IMMP2L: variants seen among roughly 807,000 people sequenced by gnomAD.
IMMP2L encodes the protein mitochondrial inner membrane protease subunit 2.
IMMP2L carries 18 observed loss-of-function variants against 19.3 expected under a neutral mutation model. The ratio of observed to expected loss-of-function variants is 0.93; its 90% confidence interval spans 0.64 to 1.38. The LOEUF (loss-of-function observed/expected upper bound fraction) is 1.38, where lower values mean the gene tolerates loss of function less well. Among genes scored for constraint, IMMP2L ranks in the 40% most tolerant of loss-of-function variants. The pLI is 0.00. For missense variants in IMMP2L, 233 were observed against 218.2 expected (o/e 1.07, Z -0.43); for synonymous variants, 76 against 73.0 (o/e 1.04, Z -0.21).
chr7:111,058,448 C>A (rs992895133), intron 3 of IMMP2L, among the ~76,000 whole-genome samples: 5 of 152,114 alleles, frequency 3.3e-5, no homozygotes, highest in Non-Finnish European at 5.9e-5. Context: ...AAAAAGAATT[C>A]TTGGTGTTTG....
At chr7:111,211,954 G>A (rs1811365888) in intron 3 of IMMP2L, among the ~76,000 whole-genome samples, 1 of 152,026 alleles carries the variant, frequency 6.6e-6, no homozygotes, top group African/African-American at 2.4e-5. Context: ...CCAAAATCGG[G>A]CCACTGCACT....
chr7:110,688,954 C>A (rs1178884959), intron 5 of IMMP2L, among the ~76,000 whole-genome samples: 1 of 151,940 alleles, frequency 6.6e-6, no homozygotes, highest in Non-Finnish European at 1.5e-5. Flanking sequence ...ATTTCATTAT[C>A]TTTAGGGGGT....
chr7:110,977,260 C>A (rs748561959), intron 3 of IMMP2L, among the ~76,000 whole-genome samples: 27 of 151,890 alleles, frequency 1.8e-4, no homozygotes, highest in Admixed American at 5.2e-4. Flanking sequence ...AGGGTTCAGG[C>A]CCAAATACTA....
chr7:110,705,304 A>T (rs1195343600), intron 5 of IMMP2L, among the ~76,000 whole-genome samples: 1 of 151,964 alleles, frequency 6.6e-6, no homozygotes, highest in Non-Finnish European at 1.5e-5. Context: ...TTTTAGGTGA[A>T]CAAAGAGTAA....
intron 3 of IMMP2L, among the ~76,000 whole-genome samples, chr7:111,352,763 A>G (rs568912878): frequency 1.2e-4 from 19 of 152,042 alleles, no homozygotes; most frequent in Middle Eastern, 3.2e-3. Context: ...TAGCACTCTG[A>G]TTTGGCACCT....
At chr7:110,983,615 T>C (rs2129558434) in intron 3 of IMMP2L, among the ~76,000 whole-genome samples, 1 of 152,170 alleles carries the variant, frequency 6.6e-6, no homozygotes, top group African/African-American at 2.4e-5. Context: ...TATTGGATTC[T>C]ACCTGTTTTG....
In IMMP2L at chr7:111,547,927, G is replaced by T. The variant is rs114785510; in HGVS notation, c.-3+13924C>A. Among the ~76,000 whole-genome samples, 321 of 152,094 alleles carry T rather than the reference G, an allele frequency of 2.1e-3. 3 individuals are homozygous for T. The highest frequency in any genetic ancestry group is 7.3e-3 in the African/African-American group (304 of 41,488). On this transcript the variant is annotated intron_variant, in intron 1 of 5. Coordinates refer to ENST00000405709, the MANE Select transcript of IMMP2L (RefSeq NM_032549.4). Reference sequence around the variant, plus strand: ...GGGAGACACAGGGTTTCACCATGTTGTTCACACTGGTCTCAAACTCCCAGA... The same window carrying T: ...GGGAGACACAGGGTTTCACCATGTTTTTCACACTGGTCTCAAACTCCCAGA...
chr7:111,226,199 G>A (rs190017637), intron 3 of IMMP2L, among the ~76,000 whole-genome samples: 115 of 151,338 alleles, frequency 7.6e-4, no homozygotes, highest in African/African-American at 2.1e-3. Flanking sequence ...CTCTGTTACC[G>A]AGGCTGAAGT....
At chr7:110,815,352 G>A (rs1380421500) in intron 5 of IMMP2L, among the ~76,000 whole-genome samples, 2 of 152,034 alleles carry the variant, frequency 1.3e-5, no homozygotes, top group African/African-American at 4.8e-5. Context: ...TTGATGTGCT[G>A]CTGGATTCGG....
In IMMP2L at chr7:111,046,865, G is replaced by A. The variant is rs151124702; in HGVS notation, c.240-83300C>T. The stretch of plus-strand genomic sequence containing the variant: ...TTCACGGAGCAATGACTGAGTACTC[G>A]GGCATTGGGCCAAGAGCGTACATCT... On this transcript the variant is annotated intron_variant, in intron 3 of 5. Coordinates refer to ENST00000405709, the MANE Select transcript of IMMP2L (RefSeq NM_032549.4). Among the ~76,000 whole-genome samples, 8 of 152,198 alleles carry A rather than the reference G, an allele frequency of 5.3e-5. No individual in the cohort carries two copies. The East Asian group carries it at 1.2e-3, about 22-fold the overall frequency.
intron 5 of IMMP2L, among the ~76,000 whole-genome samples, chr7:110,694,493 T>G (rs1057262497): frequency 6.6e-6 from 1 of 152,206 alleles, no homozygotes; most frequent in African/African-American, 2.4e-5. Context: ...ATTTAGGTCC[T>G]TAATTGCCTT....
At chr7:110,748,484 C>T (rs1797507391) in intron 5 of IMMP2L, among the ~76,000 whole-genome samples, 1 of 152,142 alleles carries the variant, frequency 6.6e-6, no homozygotes, top group African/African-American at 2.4e-5. Flanking sequence ...CATCACGCTA[C>T]CTGACTTCAA....
At chr7:111,333,313 A>C (rs1826058494) in intron 3 of IMMP2L, among the ~76,000 whole-genome samples, 1 of 152,060 alleles carries the variant, frequency 6.6e-6, no homozygotes, top group African/African-American at 2.4e-5. Flanking sequence ...TTTTTCCTTT[A>C]AATGTGACAT....
intron 3 of IMMP2L, among the ~76,000 whole-genome samples, chr7:111,366,868 G>A (rs1451131811): frequency 7.6e-5 from 11 of 144,624 alleles, no homozygotes; most frequent in Admixed American, 6.7e-4. Flanking sequence ...GGAGAGACAG[G>A]GAGAGAGATC....
At chr7:111,387,975 T>TAAAAAAA (rs750267136) in intron 3 of IMMP2L, among the ~76,000 whole-genome samples, 1 of 93,422 alleles carries the variant, frequency 1.1e-5, no homozygotes, top group African/African-American at 4.6e-5. Context: ...ACTCTGTCTT[T>TAAAAAAA]AAAAAAAAAA....
intron 5 of IMMP2L, among the ~76,000 whole-genome samples, chr7:110,882,285 G>GTGCC (rs1355497767): frequency 6.3e-4 from 80 of 126,574 alleles, no homozygotes; most frequent in Non-Finnish European, 8.2e-4. Context: ...TCTTTGTCAA[G>GTGCC]TGCCTTCCTT....
At chr7:111,185,285 G>C (rs1808144144) in intron 3 of IMMP2L, among the ~76,000 whole-genome samples, 1 of 152,156 alleles carries the variant, frequency 6.6e-6, no homozygotes, top group Non-Finnish European at 1.5e-5. Context: ...CTACGTGGTA[G>C]CTGCAAAAAT....
At chr7:111,256,896 A>T (rs1816756048) in intron 3 of IMMP2L, among the ~76,000 whole-genome samples, 2 of 152,104 alleles carry the variant, frequency 1.3e-5, no homozygotes, top group African/African-American at 4.8e-5. Context: ...ACTTGACTAA[A>T]TAACATCTGG....
At chr7:110,776,877 T>A (rs1256496915) in intron 5 of IMMP2L, among the ~76,000 whole-genome samples, 4 of 152,022 alleles carry the variant, frequency 2.6e-5, no homozygotes, top group African/African-American at 7.2e-5. Context: ...GTGTTTATTC[T>A]ATCTTATTGC....
Sources: gnomAD v4.1 joint callset for allele counts (sites outside exome capture counted in the v4.1 genomes callset) on GRCh38, gnomAD v4.1.1 for gene constraint, MANE v1.5 for transcripts, NCBI Gene and HGNC (gene_info 2026-07-23, HGNC 2026-07-21) for gene names.